The following RUNDC3B variants were observed in gnomAD, a reference collection of about 807,000 sequenced individuals.
The protein encoded by RUNDC3B is RUN domain containing 3B, also known as RUN domain-containing protein 3B.
Under a neutral mutation model 58.4 loss-of-function variants are expected in RUNDC3B, and 33 were observed. The observed-to-expected ratio is 0.56, with a 90% CI of 0.43 to 0.75. The LOEUF (loss-of-function observed/expected upper bound fraction) is 0.75, where lower values mean the gene tolerates loss of function less well. Among genes scored for constraint, RUNDC3B ranks in the 30% least tolerant of loss-of-function variants. The probability of loss-of-function intolerance (pLI) is 0.00; values close to 1 mark genes in which losing one functional copy is unlikely to be tolerated. For missense variants in RUNDC3B, 501 were observed against 535.7 expected (o/e 0.94, Z 0.64); for synonymous variants, 193 against 195.2 (o/e 0.99, Z 0.10).
chr7:87,651,661 T>G (rs1321547569), intron 2 of RUNDC3B, among the ~76,000 whole-genome samples: 1 of 152,130 alleles, frequency 6.6e-6, no homozygotes, highest in Non-Finnish European at 1.5e-5. Context: ...ATGATACAGT[T>G]TCACATCAGT....
chr7:87,719,049 A>C (rs1298366993), intron 4 of RUNDC3B, among the ~76,000 whole-genome samples: 1 of 152,098 alleles, frequency 6.6e-6, no homozygotes, highest in Admixed American at 6.6e-5. Context: ...CATATACACA[A>C]GTAACACATG....
intron 9 of RUNDC3B, among the ~76,000 whole-genome samples, chr7:87,814,088 ATTTC>A (rs759920917): frequency 6.8e-5 from 10 of 147,580 alleles, no homozygotes; most frequent in East Asian, 2.0e-4. Flanking sequence ...TTGGAGAATG[ATTTC>A]TTTCTTTCCT....
intron 2 of RUNDC3B, among the ~76,000 whole-genome samples, chr7:87,657,468 C>T (rs1249709558): frequency 6.6e-6 from 1 of 152,156 alleles, no homozygotes; most frequent in Non-Finnish European, 1.5e-5. Flanking sequence ...TAGAATTCCG[C>T]CCTCCTGAGG....
At chr7:87,776,054 A>C (rs1834603192) in intron 7 of RUNDC3B, among the ~76,000 whole-genome samples, 1 of 152,218 alleles carries the variant, frequency 6.6e-6, no homozygotes, top group Non-Finnish European at 1.5e-5. Context: ...CTCTTATACT[A>C]ACATAAGATC....
intron 2 of RUNDC3B, among the ~76,000 whole-genome samples, chr7:87,665,462 T>A (rs1449268281): frequency 6.6e-6 from 1 of 152,122 alleles, no homozygotes; most frequent in East Asian, 1.9e-4. Context: ...GAAATATATC[T>A]CATGCTCATG....
Position 87,794,004 on chromosome 7 carries a change from C to T in RUNDC3B, c.957-13369C>T, listed in dbSNP as rs549637192. Among the ~76,000 whole-genome samples, 27 of 152,220 alleles carry T rather than the reference C, an allele frequency of 1.8e-4. No individual in the cohort carries two copies. In the South Asian group the frequency reaches 5.4e-3, roughly 30 times the overall value. On this transcript the variant is annotated intron_variant, in intron 8 of 10. Coordinates refer to ENST00000394654, the MANE Select transcript of RUNDC3B (RefSeq NM_001134405.2). ...GTAAAGTTGCAGGATACAAAATCAA[C>T]ATACAAAAATTAGGAGCATTTCTAT...
rs898582249 is a variant in RUNDC3B, at chr7:87,693,818, T to C, written c.239-6603T>C. On this transcript the variant is annotated intron_variant, in intron 2 of 10. Coordinates refer to ENST00000394654, the MANE Select transcript of RUNDC3B (RefSeq NM_001134405.2). ...ACTGCTTCAAAATTATATGTAGCCA[T>C]CTTAGTTGGGCTATTCAGTTTGGAA... 7.4e-6 allele frequency: 9 copies of C among 1,213,440 alleles called. No homozygotes were observed. The African/African-American group carries it at 7.6e-5, about 10-fold the overall frequency. 75.2% of individuals were successfully genotyped at this position (1,213,440 alleles called of 1,614,324 possible). A position where few individuals can be genotyped will look rare whatever the true frequency, so the allele number is the denominator to read the frequency against.
intron 4 of RUNDC3B, among the ~76,000 whole-genome samples, chr7:87,727,642 A>G (rs776573772): frequency 3.9e-5 from 6 of 152,178 alleles, no homozygotes; most frequent in Non-Finnish European, 7.4e-5. Context: ...AAAAATCTGC[A>G]ATACTATTTT....
chr7:87,628,590 T>C lies in RUNDC3B; in HGVS notation c.-234T>C, dbSNP rs879527270. On this transcript the variant is annotated 5_prime_UTR_variant, in exon 1 of 11. Transcript: ENST00000394654. ...CGGAGGTGGTGCGTGCGTGCGTGTG[T>C]GTGTGTGTGTGTGTGTGTGTGTGTG... The C allele has an allele frequency of 0.17, 10,626 of 61,132 alleles. 194 individuals carry two copies. Among genetic ancestry groups the C allele is most frequent in the Middle Eastern group, 0.23 (46 of 204 alleles). 3.8% of individuals were successfully genotyped at this position (61,132 alleles called of 1,614,324 possible).
At position 87,741,182 on chromosome 7, in the gene RUNDC3B, G is replaced by C. The variant is rs1040721842; in HGVS notation, c.549-317G>C. Among the ~76,000 whole-genome samples, 3 of 151,282 alleles carry C rather than the reference G, an allele frequency of 2.0e-5. No homozygotes were observed. In the East Asian group the frequency reaches 5.8e-4, roughly 29 times the overall value. On this transcript the variant is annotated intron_variant, in intron 5 of 10. Coordinates refer to ENST00000394654, the MANE Select transcript of RUNDC3B (RefSeq NM_001134405.2). ...ATCATGCCACAGCACTCCAGCCTGG[G>C]TGACAGAGCAAGACTCCCTCTCAAA...
chr7:87,823,646 A>G (rs919258401), intron 10 of RUNDC3B, among the ~76,000 whole-genome samples: 3 of 152,050 alleles, frequency 2.0e-5, no homozygotes, highest in African/African-American at 7.2e-5. Flanking sequence ...CTCAGCTGCC[A>G]CTTATGAGTA....
intron 1 of RUNDC3B, among the ~76,000 whole-genome samples, chr7:87,645,442 G>T (rs1443473016): frequency 6.6e-6 from 1 of 152,048 alleles, no homozygotes; most frequent in Non-Finnish European, 1.5e-5. Flanking sequence ...GTGGGAAAGA[G>T]AATCTTTTTA....
intron 4 of RUNDC3B, among the ~76,000 whole-genome samples, chr7:87,715,367 T>C (rs1331818481): frequency 8.5e-6 from 1 of 117,854 alleles, no homozygotes; most frequent in East Asian, 2.6e-4. Context: ...AATTAATTTA[T>C]AATAATTATA....
chr7:87,699,287 T>C (rs1441285535), intron 2 of RUNDC3B, among the ~76,000 whole-genome samples: 3 of 152,108 alleles, frequency 2.0e-5, no homozygotes, highest in Admixed American at 2.0e-4. Context: ...TAAACAACTT[T>C]CCTAGGGAAG....
chr7:87,736,300 G>T (rs1482628193), intron 4 of RUNDC3B, among the ~76,000 whole-genome samples: 2 of 152,142 alleles, frequency 1.3e-5, no homozygotes, highest in African/African-American at 4.8e-5. Flanking sequence ...CATCACATTA[G>T]ATAGTATCAA....
At chr7:87,810,218 A>T (rs886689216) in intron 9 of RUNDC3B, among the ~76,000 whole-genome samples, 2 of 152,222 alleles carry the variant, frequency 1.3e-5, no homozygotes, top group African/African-American at 4.8e-5. Flanking sequence ...TGAGCAAAGG[A>T]TTCATGAATC....
chr7:87,773,745 T>A (rs1020992638), intron 7 of RUNDC3B, among the ~76,000 whole-genome samples: 10 of 152,068 alleles, frequency 6.6e-5, no homozygotes, highest in Admixed American at 2.0e-4. Flanking sequence ...TGGCGCGATC[T>A]TGGCTCACTG....
At chr7:87,716,574 C>T (rs945994033) in intron 4 of RUNDC3B, among the ~76,000 whole-genome samples, 28 of 152,226 alleles carry the variant, frequency 1.8e-4, no homozygotes, top group African/African-American at 2.4e-4. Flanking sequence ...TTTGTCTCTG[C>T]GTAGCCTGCA....
intron 8 of RUNDC3B, among the ~76,000 whole-genome samples, chr7:87,784,735 T>G (rs1195997275): frequency 1.7e-5 from 1 of 58,742 alleles, no homozygotes; most frequent in South Asian, 6.5e-4. Context: ...GAGATGTGGT[T>G]GGGGGAGATG....
Sources: gnomAD v4.1 joint callset for allele counts (sites outside exome capture counted in the v4.1 genomes callset) on GRCh38, gnomAD v4.1.1 for gene constraint, MANE v1.5 for transcripts, NCBI Gene and HGNC (gene_info 2026-07-23, HGNC 2026-07-21) for gene names.